PCDH11X: variants seen among roughly 807,000 people sequenced by gnomAD.
The protein encoded by PCDH11X is protocadherin 11 X-linked.
Under a neutral mutation model 53.3 loss-of-function variants are expected in PCDH11X, and 18 were observed. That is an observed-to-expected ratio of 0.34 (90% CI 0.23 to 0.50). The LOEUF is 0.50. Ranked by LOEUF, PCDH11X falls within the 20% of genes least tolerant of loss-of-function variation. The pLI is 0.98. For missense variants in PCDH11X, 570 were observed against 1,032.4 expected (o/e 0.55, Z 6.14); for synonymous variants, 279 against 393.3 (o/e 0.71, Z 3.44).
At chrX:92,142,160 T>TA (rs200443891) in intron 6 of PCDH11X, among the ~76,000 whole-genome samples, 2,074 of 101,971 alleles carry the variant, frequency 0.02, 66 homozygotes, top group African/African-American at 0.073. Flanking sequence ...TTATTATTAT[T>TA]TTTTTTTTTT....
At chrX:92,066,688 A>G (rs1332964848) in intron 6 of PCDH11X, among the ~76,000 whole-genome samples, 1 of 112,289 alleles carries the variant, frequency 8.9e-6, no homozygotes, top group Non-Finnish European at 1.9e-5. Flanking sequence ...TTAATTTTGT[A>G]TCCTGCAACT....
At chrX:92,256,822 T>C (rs1468442231) in intron 7 of PCDH11X, among the ~76,000 whole-genome samples, 2 of 111,327 alleles carry the variant, frequency 1.8e-5, no homozygotes, top group Non-Finnish European at 3.8e-5. Flanking sequence ...TTTGGTTTTC[T>C]GCTTCTGCAT....
At chrX:92,383,389 A>G (rs1351484866) in intron 8 of PCDH11X, among the ~76,000 whole-genome samples, 2 of 108,516 alleles carry the variant, frequency 1.8e-5, no homozygotes, top group Non-Finnish European at 3.8e-5. Context: ...GGTGTTTTAC[A>G]TAAGTATACA....
intron 6 of PCDH11X, among the ~76,000 whole-genome samples, chrX:91,958,083 C>T (rs1242418478): frequency 9.0e-6 from 1 of 110,758 alleles, no homozygotes; most frequent in African/African-American, 3.3e-5. Flanking sequence ...TGTTGGGGGG[C>T]CCTTCCTTAT....
At chrX:92,577,038 G>A (rs4893181) in intron 10 of PCDH11X, among the ~76,000 whole-genome samples, 1 of 105,686 alleles carries the variant, frequency 9.5e-6, no homozygotes, top group Non-Finnish European at 2.0e-5. Context: ...TTTTGTTTTC[G>A]TTGGATGATG....
At chrX:92,230,833 A>C (rs769061657) in intron 7 of PCDH11X, among the ~76,000 whole-genome samples, 3 of 109,445 alleles carry the variant, frequency 2.7e-5, no homozygotes, top group Admixed American at 1.0e-4. Flanking sequence ...ATTCCAGAGA[A>C]TCCATTTGCT....
chrX:91,913,235 A>G (rs1941437166), intron 6 of PCDH11X, among the ~76,000 whole-genome samples: 1 of 111,368 alleles, frequency 9.0e-6, no homozygotes, highest in Admixed American at 9.6e-5. Flanking sequence ...GAGCTGCTGC[A>G]CATACAAGCA....
chrX:92,113,425 T>C, intron 6 of PCDH11X: 7 of 1,201,713 alleles, frequency 5.8e-6, no homozygotes, highest in Middle Eastern at 3.2e-4. Flanking sequence ...AAGGTCATAG[T>C]TGATGACTAA....
rs182214145 is a variant in PCDH11X at position 92,394,699 on chromosome X, G to A, written c.3343+6766G>A. ...ATTTTTTGAAGTTCTTTGAAAGTCA[G>A]TATAATCAGTCATTCAAGATGTAGC... On this transcript the variant is annotated intron_variant, in intron 9 of 10. Transcript: ENST00000682573. Among the ~76,000 whole-genome samples the A allele has an allele frequency of 6.3e-3, 706 of 111,901 alleles. 13 individuals are homozygous for A. The highest frequency in any genetic ancestry group is 0.022 in the African/African-American group (674 of 30,941).
chrX:92,328,721 A>G (rs1197389791), intron 8 of PCDH11X, among the ~76,000 whole-genome samples: 4 of 110,881 alleles, frequency 3.6e-5, no homozygotes, highest in Admixed American at 2.9e-4. Flanking sequence ...AAACACTACC[A>G]AAGTCCAATC....
intron 6 of PCDH11X, among the ~76,000 whole-genome samples, chrX:92,052,274 G>A (rs1305631125): frequency 2.8e-5 from 3 of 108,159 alleles, no homozygotes; most frequent in Non-Finnish European, 5.7e-5. Flanking sequence ...AAAAACAAAT[G>A]CAATCCCAAT....
chrX:91,835,077 G>T, intron 4 of PCDH11X: 1 of 721,410 alleles, frequency 1.4e-6, no homozygotes, highest in Non-Finnish European at 1.7e-6. Context: ...AAAGAATAAT[G>T]ATTATATTTT....
intron 10 of PCDH11X, among the ~76,000 whole-genome samples, chrX:92,570,938 A>G (rs973588984): frequency 9.4e-4 from 101 of 107,199 alleles, no homozygotes; most frequent in Middle Eastern, 4.7e-3. Context: ...AAAAGAATAA[A>G]CACATAGATA....
chrX:92,083,082 T>C (rs1449531411), intron 6 of PCDH11X, among the ~76,000 whole-genome samples: 5 of 111,450 alleles, frequency 4.5e-5, no homozygotes, highest in African/African-American at 1.3e-4. Flanking sequence ...CTAGATCCTA[T>C]TAACACTGTG....
At chrX:91,853,563 A>G (rs1236654779) in intron 5 of PCDH11X, among the ~76,000 whole-genome samples, 3 of 109,491 alleles carry the variant, frequency 2.7e-5, no homozygotes, top group Admixed American at 9.7e-5. Context: ...TTGATTTCAT[A>G]GTTATGTAAG....
chrX:92,221,462 C>T (rs894831813), intron 7 of PCDH11X, among the ~76,000 whole-genome samples: 3 of 110,304 alleles, frequency 2.7e-5, no homozygotes, highest in Non-Finnish European at 5.7e-5. Context: ...AGGCCAGAGA[C>T]ATTATATGTC....
chrX:92,259,181 T>G (rs950720925), intron 7 of PCDH11X, among the ~76,000 whole-genome samples: 1 of 111,439 alleles, frequency 9.0e-6, no homozygotes, highest in Non-Finnish European at 1.9e-5. Context: ...CTCTGCCTGT[T>G]ACCAAATTCC....
intron 9 of PCDH11X, among the ~76,000 whole-genome samples, chrX:92,393,360 G>A (rs748828205): frequency 9.1e-6 from 1 of 110,128 alleles, no homozygotes; most frequent in South Asian, 3.8e-4. Flanking sequence ...AATCAGCTCA[G>A]CAAGCTTAAT....
chrX:91,816,538 T>A (rs1339975625), intron 4 of PCDH11X, among the ~76,000 whole-genome samples: 1 of 111,461 alleles, frequency 9.0e-6, no homozygotes, highest in African/African-American at 3.3e-5. Flanking sequence ...ACATATATGA[T>A]AATACGAAAA....
Sources: allele counts gnomAD v4.1 joint callset (sites outside exome capture counted in the v4.1 genomes callset), GRCh38; gene constraint gnomAD v4.1.1; transcripts MANE v1.5; gene names NCBI Gene and HGNC (gene_info 2026-07-23, HGNC 2026-07-21).